The following CCDC178 variants were observed in gnomAD, a reference collection of about 807,000 sequenced individuals.
CCDC178 encodes the protein coiled-coil domain containing 178, also known as coiled-coil domain-containing protein 178.
CCDC178 carries 126 observed loss-of-function variants against 117.4 expected under a neutral mutation model. The observed-to-expected ratio is 1.07, with a 90% CI of 0.93 to 1.24. The LOEUF is 1.24. Ranked by LOEUF, CCDC178 falls within the 50% of genes most tolerant of loss-of-function variation. The pLI is 0.00. For missense variants in CCDC178, 1,030 were observed against 986.9 expected (o/e 1.04, Z -0.59); for synonymous variants, 283 against 313.4 (o/e 0.90, Z 1.02).
intron 9 of CCDC178, among the ~76,000 whole-genome samples, chr18:33,333,857 T>C (rs1445574527): frequency 1.3e-5 from 2 of 152,192 alleles, no homozygotes; most frequent in Non-Finnish European, 2.9e-5. Flanking sequence ...AATATATTAC[T>C]TTCTTAATTC....
rs771038905 is a variant in CCDC178, at chr18:33,348,871, G to A, written c.457+19C>T. 1 of 1,490,954 alleles carries A rather than the reference G, an allele frequency of 6.7e-7. No individual in the cohort carries two copies. Among genetic ancestry groups the A allele is most frequent in the South Asian group, 1.1e-5 (1 of 88,216 alleles). 92.4% of individuals were successfully genotyped at this position (1,490,954 alleles called of 1,614,324 possible). A position where few individuals can be genotyped will look rare whatever the true frequency, so the allele number is the denominator to read the frequency against. ...CTTTTAAATATATACAGTTATTCAAGTAGGAGGAACAACTTTACCTCTCTT... is the reference window on the plus strand; with the variant it reads ...CTTTTAAATATATACAGTTATTCAAATAGGAGGAACAACTTTACCTCTCTT... On this transcript the variant is annotated intron_variant, in intron 8 of 22. Coordinates refer to ENST00000383096, the MANE Select transcript of CCDC178 (RefSeq NM_001105528.4).
chr18:33,166,917 C>T (rs1442368336), intron 20 of CCDC178, among the ~76,000 whole-genome samples: 1 of 152,072 alleles, frequency 6.6e-6, no homozygotes, highest in Admixed American at 6.6e-5. Context: ...TTTTTCGATC[C>T]TCACCCTCCT....
rs758257495 is a variant in CCDC178, at chr18:33,328,082, GATTTTTTTTTTTTTTTTTT to G, written c.880-4468_880-4450del. 1,505 of 248,646 alleles carry G rather than the reference GATTTTTTTTTTTTTTTTTT, an allele frequency of 6.1e-3. 29 individuals carry two copies. The highest frequency in any genetic ancestry group is 0.013 in the South Asian group (451 of 34,300). The allele number at this position is 248,646 out of a possible 1,614,324, so 15.4% of individuals were successfully genotyped here. On this transcript the variant is annotated intron_variant, in intron 10 of 22. Coordinates refer to ENST00000383096, the MANE Select transcript of CCDC178 (RefSeq NM_001105528.4). ...CCAAGGTCATAAAGATTTATCCCTA[GATTTTTTTTTTTTTTTTTT>G]TTTTTTTTTTTTTTTTTTTGAGACA...
At chr18:33,184,633 T>C (rs1023306622) in intron 20 of CCDC178, among the ~76,000 whole-genome samples, 12 of 152,056 alleles carry the variant, frequency 7.9e-5, no homozygotes, top group African/African-American at 2.9e-4. Context: ...TCTTCAAATA[T>C]TAGTCTATTT....
chr18:33,315,458 T>C (rs2062402304), intron 11 of CCDC178, among the ~76,000 whole-genome samples: 1 of 152,202 alleles, frequency 6.6e-6, no homozygotes, highest in African/African-American at 2.4e-5. Context: ...GTTTCTACCC[T>C]TCCTGAGCCC....
intron 22 of CCDC178, among the ~76,000 whole-genome samples, chr18:32,964,862 A>T (rs1375806263): frequency 6.6e-6 from 1 of 151,974 alleles, no homozygotes; most frequent in Admixed American, 6.6e-5. Flanking sequence ...AATGCAAAAA[A>T]CATTTCTAGA....
At chr18:33,186,370 C>A (rs908795273) in intron 20 of CCDC178, among the ~76,000 whole-genome samples, 18 of 152,000 alleles carry the variant, frequency 1.2e-4, no homozygotes, top group Admixed American at 7.9e-4. Context: ...TGGTGTCAGC[C>A]AATCCCAGAC....
At chr18:33,390,536 T>C (rs964723996) in intron 4 of CCDC178, among the ~76,000 whole-genome samples, 1 of 152,080 alleles carries the variant, frequency 6.6e-6, no homozygotes, top group Non-Finnish European at 1.5e-5. Flanking sequence ...TGGAGTAGCA[T>C]TGCTGAATCT....
chr18:33,233,957 T>C (rs901079697), intron 15 of CCDC178, among the ~76,000 whole-genome samples: 2 of 152,120 alleles, frequency 1.3e-5, no homozygotes, highest in Non-Finnish European at 2.9e-5. Flanking sequence ...ATGGAAATAC[T>C]GAAAAGTCAA....
intron 20 of CCDC178, among the ~76,000 whole-genome samples, chr18:33,100,321 T>C (rs1374307892): frequency 6.6e-6 from 1 of 151,964 alleles, no homozygotes; most frequent in Non-Finnish European, 1.5e-5. Flanking sequence ...TTTTTGAACA[T>C]CTTTTGTTAA....
rs1192804833 is a variant in CCDC178 at position 33,269,239 on chromosome 18, C to G, written c.1177-1942G>C. The stretch of plus-strand genomic sequence containing the variant: ...AGGCAATTGATAAACTCTGTGGCCA[C>G]CTGAGATTGTGGCTAAAAATTGGAA... On this transcript the variant is annotated intron_variant, in intron 12 of 22. Coordinates refer to ENST00000383096, the MANE Select transcript of CCDC178 (RefSeq NM_001105528.4). 2.0e-5 allele frequency among the ~76,000 whole-genome samples: 3 copies of G among 151,702 alleles called. No homozygotes were observed. The East Asian group carries it at 5.8e-4, about 29-fold the overall frequency.
chr18:33,156,046 G>C (rs1018845519), intron 20 of CCDC178, among the ~76,000 whole-genome samples: 3 of 148,366 alleles, frequency 2.0e-5, no homozygotes, highest in South Asian at 2.1e-4. Flanking sequence ...TGAGGATACA[G>C]AGCATGTTGA....
chr18:33,021,326 T>G (rs893030879), intron 21 of CCDC178, among the ~76,000 whole-genome samples: 2 of 152,204 alleles, frequency 1.3e-5, no homozygotes, highest in Non-Finnish European at 2.9e-5. Context: ...TACCAGTTTT[T>G]ATTTTCTCAT....
chr18:33,127,001 T>A (rs200323948), intron 20 of CCDC178, among the ~76,000 whole-genome samples: 1,391 of 132,770 alleles, frequency 0.01, 11 homozygotes, highest in South Asian at 0.029. Flanking sequence ...AAAAAAAATA[T>A]ATATATATAT....
chr18:33,311,905 T>G (rs2062348985), intron 11 of CCDC178, among the ~76,000 whole-genome samples: 1 of 152,066 alleles, frequency 6.6e-6, no homozygotes, highest in African/African-American at 2.4e-5. Context: ...TATAGGAGTG[T>G]GAAGGAAGAC....
chr18:32,944,175 G>A (rs1418463721), intron 22 of CCDC178, among the ~76,000 whole-genome samples: 1 of 152,126 alleles, frequency 6.6e-6, no homozygotes. Flanking sequence ...CACAGGATGT[G>A]ATATGGTCAC....
At chr18:33,356,234 T>C (rs2063054794) in intron 7 of CCDC178, 90 bp downstream of exon 7, 1 of 1,269,618 alleles carries the variant, frequency 7.9e-7, no homozygotes, top group East Asian at 2.8e-5. Flanking sequence ...CGATTTTCTA[T>C]TCCTTTTGAA....
intron 14 of CCDC178, among the ~76,000 whole-genome samples, chr18:33,249,189 T>G (rs963608482): frequency 3.6e-4 from 55 of 152,168 alleles, no homozygotes; most frequent in African/African-American, 1.3e-3. Flanking sequence ...ATGAGTAGAT[T>G]GCAAAAATTT....
chr18:33,143,476 T>C (rs539332050), intron 20 of CCDC178, among the ~76,000 whole-genome samples: 1 of 152,330 alleles, frequency 6.6e-6, no homozygotes, highest in African/African-American at 2.4e-5. Flanking sequence ...CTCTATATTT[T>C]TGTTGTAAAC....
Sources: gnomAD v4.1 joint callset for allele counts (sites outside exome capture counted in the v4.1 genomes callset) on GRCh38, gnomAD v4.1.1 for gene constraint, MANE v1.5 for transcripts, NCBI Gene and HGNC (gene_info 2026-07-23, HGNC 2026-07-21) for gene names.